ROBO2: variants seen among roughly 807,000 people sequenced by gnomAD.
ROBO2 encodes the protein roundabout guidance receptor 2, also known as roundabout homolog 2.
In ROBO2, 53 loss-of-function variants were observed where a neutral mutation model predicts 160.8. The observed-to-expected ratio is 0.33, with a 90% CI of 0.26 to 0.41. ROBO2 has a LOEUF of 0.41. ROBO2 is among the 10% of genes least tolerant of loss of function. The pLI is 1.00. For synonymous variants in ROBO2, 664 were observed against 611.7 expected (o/e 1.09, Z -1.26); for missense variants, 1,577 against 1,722.4 (o/e 0.92, Z 1.49).
intron 2 of ROBO2, among the ~76,000 whole-genome samples, chr3:76,945,922 T>A (rs1032016473): frequency 8.5e-5 from 13 of 152,204 alleles, no homozygotes; most frequent in African/African-American, 3.1e-4. Context: ...TGCTTTTGAT[T>A]GGTGGATTTT....
chr3:77,046,987 C>A lies in ROBO2; in HGVS notation c.61+6141C>A, dbSNP rs76802546. The stretch of plus-strand genomic sequence containing the variant: ...AGTTTGAAGGTGTACACAGTATAGT[C>A]TTGAGAACTCAGAGAAGGAATAGGT... On this transcript the variant is annotated intron_variant, in intron 1 of 25. Transcript: ENST00000461745. 6.6e-3 allele frequency among the ~76,000 whole-genome samples: 1,009 copies of A among 152,262 alleles called. 6 individuals are homozygous for A. Among genetic ancestry groups the A allele is most frequent in the African/African-American group, 0.023 (951 of 41,554 alleles).
At chr3:76,250,255 A>G (rs1286524240) in intron 2 of ROBO2, among the ~76,000 whole-genome samples, 1 of 152,106 alleles carries the variant, frequency 6.6e-6, no homozygotes, top group African/African-American at 2.4e-5. Context: ...GAATATTAGA[A>G]ATCACATATC....
intron 2 of ROBO2, among the ~76,000 whole-genome samples, chr3:76,823,943 T>C (rs1281287399): frequency 1.3e-5 from 2 of 152,158 alleles, no homozygotes; most frequent in African/African-American, 4.8e-5. Flanking sequence ...AAAATGACAG[T>C]GGCTTAAAAC....
intron 2 of ROBO2, among the ~76,000 whole-genome samples, chr3:77,334,978 A>G (rs2066342977): frequency 6.6e-6 from 1 of 152,186 alleles, no homozygotes; most frequent in Non-Finnish European, 1.5e-5. Context: ...TTGCAAAGAT[A>G]CTGATTGCCC....
At chr3:76,149,841 GTC>G in intron 2 of ROBO2, among the ~76,000 whole-genome samples, 1 of 113,266 alleles carries the variant, frequency 8.8e-6, no homozygotes, top group South Asian at 3.1e-4. Context: ...ACACACATCT[GTC>G]TAAAGCACAC....
intron 2 of ROBO2, among the ~76,000 whole-genome samples, chr3:76,341,467 C>T (rs1359512452): frequency 1.0e-4 from 14 of 139,240 alleles, no homozygotes; most frequent in African/African-American, 2.9e-4. Flanking sequence ...TGAAGAATTA[C>T]GTGTCTTGCA....
At chr3:76,630,429 C>G (rs566001628) in intron 2 of ROBO2, among the ~76,000 whole-genome samples, 255 of 152,304 alleles carry the variant, frequency 1.7e-3, no homozygotes, top group African/African-American at 4.4e-3. Flanking sequence ...GTATAGCTCA[C>G]ATTTATTTCA....
At chr3:76,281,160 A>T (rs537457093) in intron 2 of ROBO2, among the ~76,000 whole-genome samples, 1 of 151,872 alleles carries the variant, frequency 6.6e-6, no homozygotes, top group African/African-American at 2.4e-5. Flanking sequence ...CAACAGAGCT[A>T]TGCCAATCCA....
chr3:77,293,396 A>G lies in ROBO2; in HGVS notation c.389-184018A>G, dbSNP rs1485612601. On this transcript the variant is annotated intron_variant, in intron 2 of 25. Transcript: ENST00000461745. Reference sequence around the variant, plus strand: ...AAGCTGAGGCTAGATCACCCCAGACATAAAGTAAAATTGATGGTTAAACGG... The same window carrying G: ...AAGCTGAGGCTAGATCACCCCAGACGTAAAGTAAAATTGATGGTTAAACGG... 2.0e-5 allele frequency among the ~76,000 whole-genome samples: 3 copies of G among 150,406 alleles called. 1 individual carries two copies. Among genetic ancestry groups the G allele is most frequent in the Non-Finnish European group, 4.4e-5 (3 of 67,882 alleles).
chr3:77,328,337 G>A (rs564549484), intron 2 of ROBO2, among the ~76,000 whole-genome samples: 3 of 152,036 alleles, frequency 2.0e-5, no homozygotes, highest in Non-Finnish European at 4.4e-5. Context: ...AATTGTGAAC[G>A]GAATTATATT....
chr3:76,483,270 T>C (rs893498565), intron 2 of ROBO2, among the ~76,000 whole-genome samples: 2 of 151,994 alleles, frequency 1.3e-5, no homozygotes, highest in Non-Finnish European at 2.9e-5. Flanking sequence ...AATAATTCTA[T>C]TACATGTTGT....
At chr3:76,255,579 A>G in intron 2 of ROBO2, among the ~76,000 whole-genome samples, 2 of 152,000 alleles carry the variant, frequency 1.3e-5, no homozygotes, top group Admixed American at 1.3e-4. Flanking sequence ...TTTCTTTATA[A>G]CTACTATTTT....
chr3:76,055,794 C>T (rs1428355013), intron 2 of ROBO2, among the ~76,000 whole-genome samples: 2 of 152,102 alleles, frequency 1.3e-5, no homozygotes, highest in African/African-American at 4.8e-5. Context: ...GAGTCTCGCT[C>T]TGTCGGCAGG....
At chr3:76,076,081 A>G (rs1373145730) in intron 2 of ROBO2, among the ~76,000 whole-genome samples, 2 of 152,206 alleles carry the variant, frequency 1.3e-5, no homozygotes, top group Non-Finnish European at 2.9e-5. Context: ...TTGACCAATA[A>G]TATGTTGTCC....
intron 22 of ROBO2, chr3:77,618,107 G>T: frequency 3.0e-6 from 1 of 331,224 alleles, no homozygotes. Context: ...CTAATTTATG[G>T]TTTATCTTCA....
intron 2 of ROBO2, among the ~76,000 whole-genome samples, chr3:77,447,790 A>G (rs1274218895): frequency 6.6e-6 from 1 of 152,176 alleles, no homozygotes; most frequent in Non-Finnish European, 1.5e-5. Context: ...GAAAGAATCC[A>G]TATATGTTAA....
intron 2 of ROBO2, among the ~76,000 whole-genome samples, chr3:76,487,397 A>G (rs2079558244): frequency 6.6e-6 from 1 of 152,160 alleles, no homozygotes; most frequent in Admixed American, 6.6e-5. Context: ...ATGTAAAAAA[A>G]TGGAACCAAT....
intron 2 of ROBO2, among the ~76,000 whole-genome samples, chr3:76,403,846 G>A (rs7640291): frequency 0.28 from 41,895 of 151,384 alleles, 8,112 homozygotes; most frequent in African/African-American, 0.55. Context: ...TGTATACGCC[G>A]TGCCATATTA....
At chr3:76,389,505 A>G (rs947076619) in intron 2 of ROBO2, among the ~76,000 whole-genome samples, 1 of 152,224 alleles carries the variant, frequency 6.6e-6, no homozygotes, top group African/African-American at 2.4e-5. Flanking sequence ...ATCTTGAACT[A>G]TGATTTCTTG....
Sources: gnomAD v4.1 joint callset for allele counts (sites outside exome capture counted in the v4.1 genomes callset) on GRCh38, gnomAD v4.1.1 for gene constraint, MANE v1.5 for transcripts, NCBI Gene and HGNC (gene_info 2026-07-23, HGNC 2026-07-21) for gene names.